Variants in BMP5 observed in about 807,000 individuals in gnomAD.
BMP5 encodes the protein bone morphogenetic protein 5.
A neutral mutation model predicts 46.6 loss-of-function variants in BMP5; 23 were observed. That is an observed-to-expected ratio of 0.49 (90% CI 0.35 to 0.70). The LOEUF is 0.70. Ranked by LOEUF, BMP5 falls within the 30% of genes least tolerant of loss-of-function variation. The pLI is 0.00. For missense variants in BMP5, 545 were observed against 565.6 expected (o/e 0.96, Z 0.37); for synonymous variants, 204 against 191.9 (o/e 1.06, Z -0.52).
intron 1 of BMP5, among the ~76,000 whole-genome samples, chr6:55,856,418 C>T (rs1377498141): frequency 2.6e-5 from 4 of 152,104 alleles, no homozygotes; most frequent in Non-Finnish European, 4.4e-5. Flanking sequence ...GTCATAATGG[C>T]AAGCATAAGT....
chr6:55,764,543 G>T (rs1774872335), intron 4 of BMP5, among the ~76,000 whole-genome samples: 1 of 144,612 alleles, frequency 6.9e-6, no homozygotes, highest in Non-Finnish European at 1.5e-5. Flanking sequence ...CTTCACTTCA[G>T]CCTGGGCGAC....
At chr6:55,781,022 G>T (rs537028902) in intron 3 of BMP5, among the ~76,000 whole-genome samples, 1 of 152,016 alleles carries the variant, frequency 6.6e-6, no homozygotes, top group South Asian at 2.1e-4. Context: ...ATTTTCAGCC[G>T]CTAGAAATAT....
At chr6:55,792,862 C>A (rs1427999661) in intron 3 of BMP5, among the ~76,000 whole-genome samples, 1 of 152,130 alleles carries the variant, frequency 6.6e-6, no homozygotes, top group Non-Finnish European at 1.5e-5. Flanking sequence ...TAATGTTTTT[C>A]TTGCCTGATT....
chr6:55,796,345 A>G (rs1001931518), intron 2 of BMP5, among the ~76,000 whole-genome samples: 5 of 152,022 alleles, frequency 3.3e-5, no homozygotes, highest in Admixed American at 6.6e-5. Flanking sequence ...GATATTTTCT[A>G]TTATTTTTAA....
chr6:55,838,267 C>A (rs1017246412), intron 1 of BMP5, among the ~76,000 whole-genome samples: 1 of 152,174 alleles, frequency 6.6e-6, no homozygotes, highest in Admixed American at 6.5e-5. Context: ...CAACAGTGTA[C>A]CAGGGTTCCC....
chr6:55,815,821 G>T (rs974541870), intron 2 of BMP5, among the ~76,000 whole-genome samples: 4 of 151,966 alleles, frequency 2.6e-5, no homozygotes, highest in Admixed American at 2.6e-4. Flanking sequence ...TTTAGAAATA[G>T]ACTATAAAGT....
chr6:55,781,790 T>C (rs1775324200), intron 3 of BMP5, among the ~76,000 whole-genome samples: 2 of 151,916 alleles, frequency 1.3e-5, no homozygotes, highest in Admixed American at 1.3e-4. Flanking sequence ...TGTATTTTTT[T>C]AGTAGAGACA....
In BMP5 at chr6:55,822,781, A is replaced by G. The variant is rs180710694; in HGVS notation, c.491-2934T>C. The stretch of plus-strand genomic sequence containing the variant: ...AAGCTAGAATTTCAGCCATTATTAT[A>G]AAATTTCAGTTTTCTAATCCAAGCT... On this transcript the variant is annotated intron_variant, in intron 1 of 6. Coordinates refer to ENST00000370830, the MANE Select transcript of BMP5 (RefSeq NM_021073.4). Among the ~76,000 whole-genome samples, 550 of 152,262 alleles carry G rather than the reference A, an allele frequency of 3.6e-3. 4 individuals carry two copies. Among genetic ancestry groups the G allele is most frequent in the Non-Finnish European group, 5.7e-3 (385 of 68,002 alleles).
At chr6:55,825,678 C>T (rs1029642177) in intron 1 of BMP5, among the ~76,000 whole-genome samples, 5 of 151,660 alleles carry the variant, frequency 3.3e-5, no homozygotes, top group African/African-American at 4.8e-5. Context: ...TGAAATTGTC[C>T]TGGGCTAAAT....
At chr6:55,789,556 C>T (rs1775526866) in intron 3 of BMP5, among the ~76,000 whole-genome samples, 1 of 151,760 alleles carries the variant, frequency 6.6e-6, no homozygotes. Flanking sequence ...TTAATAAAGA[C>T]CTAGTATGTC....
intron 1 of BMP5, among the ~76,000 whole-genome samples, chr6:55,833,821 T>A (rs975832197): frequency 1.3e-5 from 2 of 152,156 alleles, no homozygotes; most frequent in African/African-American, 4.8e-5. Flanking sequence ...TGTTCAATCA[T>A]GGAATCCTAA....
intron 2 of BMP5, among the ~76,000 whole-genome samples, chr6:55,807,861 T>A (rs1776028259): frequency 6.6e-6 from 1 of 152,224 alleles, no homozygotes; most frequent in African/African-American, 2.4e-5. Context: ...GTGTTTATAG[T>A]ACTGACATGT....
At chr6:55,817,915 C>T (rs984986823) in intron 2 of BMP5, among the ~76,000 whole-genome samples, 1 of 152,030 alleles carries the variant, frequency 6.6e-6, no homozygotes, top group African/African-American at 2.4e-5. Context: ...CCTGATGAGT[C>T]CATCATATTG....
At chr6:55,847,332 C>A (rs1777121428) in intron 1 of BMP5, among the ~76,000 whole-genome samples, 2 of 151,900 alleles carry the variant, frequency 1.3e-5, no homozygotes, top group African/African-American at 4.8e-5. Context: ...GTAACGTGTC[C>A]TTTTCCTATC....
intron 1 of BMP5, among the ~76,000 whole-genome samples, chr6:55,868,824 T>A (rs568600286): frequency 1.3e-5 from 2 of 152,280 alleles, no homozygotes; most frequent in South Asian, 2.1e-4. Flanking sequence ...TCAAAACAGA[T>A]CCCTTTTTCC....
chr6:55,833,091 G>C (rs1417790192), intron 1 of BMP5, among the ~76,000 whole-genome samples: 1 of 152,120 alleles, frequency 6.6e-6, no homozygotes, highest in African/African-American at 2.4e-5. Flanking sequence ...ACTCCAGCCT[G>C]TGCGACAGAG....
chr6:55,822,807 A>G (rs1776440688), intron 1 of BMP5, among the ~76,000 whole-genome samples: 1 of 152,142 alleles, frequency 6.6e-6, no homozygotes, highest in African/African-American at 2.4e-5. Context: ...AATCCAAGCT[A>G]TTTAACTTAA....
intron 2 of BMP5, among the ~76,000 whole-genome samples, chr6:55,807,391 C>T (rs9475412): frequency 6.6e-6 from 1 of 152,166 alleles, no homozygotes; most frequent in Non-Finnish European, 1.5e-5. Context: ...GTTGAACCAG[C>T]CTTGCATCCC....
Position 55,810,395 on chromosome 6 carries a change from G to C in BMP5, c.683+9260C>G, listed in dbSNP as rs1028614576. Reference sequence around the variant, plus strand: ...AAATTTAATCACTTTTCACTGAGCAGAATTTTTTTAATTGCCAAGACATTT... The same window carrying C: ...AAATTTAATCACTTTTCACTGAGCACAATTTTTTTAATTGCCAAGACATTT... On this transcript the variant is annotated intron_variant, in intron 2 of 6. Coordinates refer to ENST00000370830, the MANE Select transcript of BMP5 (RefSeq NM_021073.4). 2.0e-5 allele frequency among the ~76,000 whole-genome samples: 3 copies of C among 152,154 alleles called. No homozygotes were observed. In the East Asian group the frequency reaches 5.8e-4, roughly 29 times the overall value.
Sources: gnomAD v4.1 joint callset for allele counts (sites outside exome capture counted in the v4.1 genomes callset) on GRCh38, gnomAD v4.1.1 for gene constraint, MANE v1.5 for transcripts, NCBI Gene and HGNC (gene_info 2026-07-23, HGNC 2026-07-21) for gene names.